The following BCAR3 variants were observed in gnomAD, a reference collection of about 807,000 sequenced individuals.
BCAR3 encodes BCAR3 adaptor protein, NSP family member.
A neutral mutation model predicts 80.1 loss-of-function variants in BCAR3; 37 were observed. The ratio of observed to expected loss-of-function variants is 0.46; its 90% CI spans 0.36 to 0.61. BCAR3 has a LOEUF of 0.61. BCAR3 is among the 20% of genes least tolerant of loss of function. The pLI is 0.00. For missense variants in BCAR3, 978 were observed against 1,068.2 expected (o/e 0.92, Z 1.18); for synonymous variants, 389 against 418.9 (o/e 0.93, Z 0.87).
chr1:93,635,320 G>T, intron 3 of BCAR3, among the ~76,000 whole-genome samples: 2 of 149,426 alleles, frequency 1.3e-5, no homozygotes, highest in African/African-American at 5.2e-5. Context: ...CTTTGGGGTT[G>T]TCTCCAGTTT....
chr1:93,569,612 G>C (rs1016133126), intron 9 of BCAR3, among the ~76,000 whole-genome samples: 2 of 152,248 alleles, frequency 1.3e-5, no homozygotes, highest in Non-Finnish European at 2.9e-5. Flanking sequence ...GGCTGGGTTG[G>C]ATGGTGACAC....
chr1:93,782,506 G>A lies in BCAR3; in HGVS notation c.-63+63061C>T, dbSNP rs76485769. On this transcript the variant is annotated intron_variant, in intron 2 of 13. Transcript: ENST00000370244. ...GTCAGTTCATTTTGAGGCCAGTCCC[G>A]AGACAGTAGAGTCCAGTCCTGGGTA... Among the ~76,000 whole-genome samples the A allele has an allele frequency of 8.1e-3, 1,236 of 152,284 alleles. 17 individuals are homozygous for A. The highest frequency in any genetic ancestry group is 0.028 in the African/African-American group (1,184 of 41,546).
chr1:93,733,331 G>C (rs1042577189), intron 2 of BCAR3, among the ~76,000 whole-genome samples: 1 of 152,090 alleles, frequency 6.6e-6, no homozygotes, highest in Non-Finnish European at 1.5e-5. Context: ...GGATTTTTTT[G>C]TATGTCCCCC....
chr1:93,574,138 C>G (rs1229132334), intron 8 of BCAR3, among the ~76,000 whole-genome samples: 1 of 151,710 alleles, frequency 6.6e-6, no homozygotes, highest in African/African-American at 2.4e-5. Flanking sequence ...TTCACTCAAC[C>G]AATATTTGCC....
chr1:93,756,427 C>A (rs892786237), intron 2 of BCAR3, among the ~76,000 whole-genome samples: 2 of 152,208 alleles, frequency 1.3e-5, no homozygotes, highest in African/African-American at 4.8e-5. Context: ...ACACGAATGG[C>A]TGGTGCTTCA....
intron 2 of BCAR3, among the ~76,000 whole-genome samples, chr1:93,758,719 G>A (rs998074841): frequency 4.6e-5 from 7 of 152,186 alleles, no homozygotes; most frequent in East Asian, 1.9e-4. Flanking sequence ...GCCTATCAGC[G>A]TTCACCAAGT....
chr1:93,778,356 A>T (rs1652647224), intron 2 of BCAR3, among the ~76,000 whole-genome samples: 1 of 152,208 alleles, frequency 6.6e-6, no homozygotes, highest in Non-Finnish European at 1.5e-5. Context: ...GAATTTTTAC[A>T]ATTTTAAAAA....
chr1:93,786,219 A>AAAAAAAAT (rs1557688155), intron 2 of BCAR3, among the ~76,000 whole-genome samples: 31 of 148,774 alleles, frequency 2.1e-4, no homozygotes, highest in East Asian at 5.8e-4. Context: ...AAAAAAAAAA[A>AAAAAAAAT]GTGCCATGCA....
chr1:93,846,316 G>A (rs896206545), intron 1 of BCAR3, among the ~76,000 whole-genome samples: 2 of 152,202 alleles, frequency 1.3e-5, no homozygotes, highest in African/African-American at 4.8e-5. Flanking sequence ...GTGCAGAAAC[G>A]GGCTGTGGCC....
At chr1:93,596,595 C>A (rs1000245174) in intron 3 of BCAR3, among the ~76,000 whole-genome samples, 2 of 152,188 alleles carry the variant, frequency 1.3e-5, no homozygotes, top group African/African-American at 4.8e-5. Flanking sequence ...TATATGTTTT[C>A]TTCAACTGCC....
chr1:93,810,192 C>CAAAAAA (rs111305058), intron 2 of BCAR3, among the ~76,000 whole-genome samples: 29 of 98,838 alleles, frequency 2.9e-4, no homozygotes, highest in African/African-American at 8.3e-4. Context: ...GACTCCATCT[C>CAAAAAA]AAAAAAAAAA....
At chr1:93,786,692 A>T (rs1042226572) in intron 2 of BCAR3, among the ~76,000 whole-genome samples, 8 of 152,174 alleles carry the variant, frequency 5.3e-5, no homozygotes, top group African/African-American at 1.7e-4. Flanking sequence ...AGATACCAAA[A>T]TTTTTAAGTT....
rs1675036985 is a variant in BCAR3, at chr1:93,614,181, GCCAGAAATTCT to G, written c.358-21799_358-21789del. ...GTGTCCAGCCTGCCATGCACACAGTGCCAGAAATTCTCATGTGACCAGACTTGCTTTCTGAT... is the reference window on the plus strand; with the variant it reads ...GTGTCCAGCCTGCCATGCACACAGTGCATGTGACCAGACTTGCTTTCTGAT... On this transcript the variant is annotated intron_variant, in intron 3 of 11. Transcript: ENST00000260502. The G allele has an allele frequency of 4.8e-6, 6 of 1,248,400 alleles. No homozygotes were observed. In the South Asian group the frequency reaches 1.4e-4, roughly 29 times the overall value. 77.3% of individuals were successfully genotyped at this position (1,248,400 alleles called of 1,614,324 possible).
intron 2 of BCAR3, among the ~76,000 whole-genome samples, chr1:93,667,949 C>T (rs969711769): frequency 3.9e-5 from 6 of 152,174 alleles, no homozygotes; most frequent in Non-Finnish European, 5.9e-5. Context: ...TAGGCTGGCT[C>T]GCAAATCCAC....
intron 3 of BCAR3, among the ~76,000 whole-genome samples, chr1:93,698,349 C>G (rs1649499026): frequency 6.6e-6 from 1 of 152,206 alleles, no homozygotes; most frequent in South Asian, 2.1e-4. Flanking sequence ...ACAGATAAGA[C>G]ACTGGTAGCA....
rs1273046359 is a variant in BCAR3 at position 93,750,759 on chromosome 1, G to A, written c.-62-44617C>T. On this transcript the variant is annotated intron_variant, in intron 2 of 13. Transcript: ENST00000370244. ...TCTGGCTAGCAGTCCTAACCAACAA[G>A]GCCCTCCCAGGTCAGGCTCAAGACA... is the stretch of plus-strand genomic sequence containing the variant. Among the ~76,000 whole-genome samples the A allele has an allele frequency of 2.0e-5, 3 of 152,288 alleles. No individual in the cohort carries two copies. In the East Asian group the frequency reaches 5.8e-4, roughly 29 times the overall value.
intron 2 of BCAR3, among the ~76,000 whole-genome samples, chr1:93,820,788 T>A (rs1006035184): frequency 6.6e-6 from 1 of 152,170 alleles, no homozygotes; most frequent in Non-Finnish European, 1.5e-5. Flanking sequence ...GGTCAGACGA[T>A]GGGGCTGAAA....
At chr1:93,673,647 A>G (rs1170061811) in intron 2 of BCAR3, among the ~76,000 whole-genome samples, 3 of 152,250 alleles carry the variant, frequency 2.0e-5, no homozygotes, top group Non-Finnish European at 2.9e-5. Context: ...GCAGAAACCA[A>G]TCACAGCCAG....
At chr1:93,585,834 G>A (rs931788332) in intron 5 of BCAR3, among the ~76,000 whole-genome samples, 2 of 152,072 alleles carry the variant, frequency 1.3e-5, no homozygotes, top group Non-Finnish European at 2.9e-5. Context: ...AACCTCCCAG[G>A]CTCAAGCAAT....
Sources: gnomAD v4.1 joint callset for allele counts (sites outside exome capture counted in the v4.1 genomes callset) on GRCh38, gnomAD v4.1.1 for gene constraint, MANE v1.5 for transcripts, NCBI Gene and HGNC (gene_info 2026-07-23, HGNC 2026-07-21) for gene names.